CELF2: variants seen among roughly 807,000 people sequenced by gnomAD.
The protein encoded by CELF2 is CUGBP Elav-like family member 2.
Under a neutral mutation model 62.6 loss-of-function variants are expected in CELF2, and 8 were observed. The observed-to-expected ratio is 0.13, with a 90% CI of 0.07 to 0.23. The LOEUF is 0.23. CELF2 is among the 10% of genes least tolerant of loss of function. The pLI is 1.00. For synonymous variants in CELF2, 258 were observed against 250.0 expected, an observed-to-expected ratio of 1.03 and a Z score of -0.30; for missense variants, 333 against 671.0, an observed-to-expected ratio of 0.50 and a Z score of 5.56.
the CELF2 span, among the ~76,000 whole-genome samples, chr10:10,638,243 G>T: frequency 1.3e-5 from 2 of 152,126 alleles, no homozygotes; most frequent in African/African-American, 4.8e-5. Context: ...GGTCCTTTTG[G>T]TTTCTGTATC....
At chr10:11,272,050 C>A (rs1030231149) in intron 7 of CELF2, among the ~76,000 whole-genome samples, 1 of 152,188 alleles carries the variant, frequency 6.6e-6, no homozygotes. Flanking sequence ...TCACCTTCAT[C>A]TTTTTAGCTG....
the CELF2 span, among the ~76,000 whole-genome samples, chr10:10,774,116 T>C: frequency 3.9e-4 from 59 of 152,308 alleles, no homozygotes; most frequent in Admixed American, 1.5e-3. Context: ...CCTTAAGAGA[T>C]TTCCATAAAG....
rs947775078 is a variant in CELF2, at chr10:11,315,510, A to C, written c.1096+1252A>C. ...GAAAATGAACCTAAAATTTATCCAA[A>C]TAAAAATTAACTTGTATAATCCTGA... On this transcript the variant is annotated intron_variant, in intron 10 of 12. Transcript: ENST00000633077. The surrounding 1 kb of genome is among the most constrained non-coding windows in gnomAD (Gnocchi z 5.8). Among the ~76,000 whole-genome samples the C allele has an allele frequency of 2.0e-5, 3 of 152,220 alleles. No homozygotes were observed. Among genetic ancestry groups the C allele is most frequent in the Non-Finnish European group, 4.4e-5 (3 of 68,042 alleles).
rs558218640 is a variant in CELF2, at chr10:10,932,520, G to A, written c.89+12521G>A. On this transcript the variant is annotated intron_variant, in intron 2 of 13. Transcript: ENST00000636488. ...ATCACAATGTACCCTATAAATATGG[G>A]AAAGTTTTACCTTGTCAATTAAAAA... Among the ~76,000 whole-genome samples, 9 of 152,190 alleles carry A rather than the reference G, an allele frequency of 5.9e-5. 1 individual carries two copies. Among genetic ancestry groups the A allele is most frequent in the African/African-American group, 2.2e-4 (9 of 41,536 alleles).
intron 1 of CELF2, among the ~76,000 whole-genome samples, chr10:11,045,322 A>G (rs965857715): frequency 6.6e-6 from 1 of 152,156 alleles, no homozygotes; most frequent in Admixed American, 6.5e-5. Context: ...ATGCTGGTCT[A>G]GAACTCCCGG....
intron 1 of CELF2, among the ~76,000 whole-genome samples, chr10:11,080,053 G>C (rs955050892): frequency 3.9e-5 from 6 of 152,212 alleles, no homozygotes. Flanking sequence ...ATTTATGAGA[G>C]TCATTAAGGT....
At chr10:10,765,502 G>C in the CELF2 span, among the ~76,000 whole-genome samples, 3 of 152,302 alleles carry the variant, frequency 2.0e-5, no homozygotes, top group East Asian at 5.8e-4. Context: ...CCCTTGCGTT[G>C]TATTGACTCC....
intron 1 of CELF2, among the ~76,000 whole-genome samples, chr10:10,904,604 C>T (rs2063187991): frequency 6.6e-6 from 1 of 152,130 alleles, no homozygotes; most frequent in Non-Finnish European, 1.5e-5. Flanking sequence ...ACATCCATAG[C>T]ACAGTTTACA....
intron 1 of CELF2, among the ~76,000 whole-genome samples, chr10:10,916,384 A>T (rs1214231472): frequency 6.6e-6 from 1 of 152,232 alleles, no homozygotes; most frequent in African/African-American, 2.4e-5. Flanking sequence ...CATGGACATC[A>T]AGTAATATCT....
the CELF2 span, among the ~76,000 whole-genome samples, chr10:10,477,569 G>C: frequency 6.6e-6 from 1 of 152,052 alleles, no homozygotes; most frequent in Non-Finnish European, 1.5e-5. Flanking sequence ...CCCTGTCTTA[G>C]CTTTTTGACT....
chr10:10,529,608 C>T, the CELF2 span, among the ~76,000 whole-genome samples: 75,393 of 147,290 alleles, frequency 0.51, 19,570 homozygotes, highest in South Asian at 0.67. Context: ...TACTTGAACT[C>T]GGAAGGCGGA....
intron 1 of CELF2, among the ~76,000 whole-genome samples, chr10:11,022,852 A>AT (rs1244419717): frequency 4.6e-5 from 7 of 152,164 alleles, no homozygotes; most frequent in Non-Finnish European, 7.4e-5. Flanking sequence ...TCATTGTTGA[A>AT]TTTTTTGTAA....
At chr10:11,130,035 C>T (rs1323240930) in intron 1 of CELF2, among the ~76,000 whole-genome samples, 2 of 152,208 alleles carry the variant, frequency 1.3e-5, no homozygotes, top group African/African-American at 2.4e-5. Flanking sequence ...CCTCTACACA[C>T]TGCTTTAAAT....
At chr10:10,632,287 T>C in the CELF2 span, among the ~76,000 whole-genome samples, 1 of 151,930 alleles carries the variant, frequency 6.6e-6, no homozygotes, top group South Asian at 2.1e-4. Flanking sequence ...GTGGCATGGG[T>C]TTTAAATCCA....
chr10:10,915,170 T>C (rs1350949302), intron 1 of CELF2, among the ~76,000 whole-genome samples: 1 of 152,100 alleles, frequency 6.6e-6, no homozygotes, highest in Non-Finnish European at 1.5e-5. Context: ...TGTTCTGCTT[T>C]TCACTTGAAA....
intron 1 of CELF2, among the ~76,000 whole-genome samples, chr10:10,876,722 A>G (rs1031263352): frequency 4.6e-5 from 7 of 152,176 alleles, no homozygotes; most frequent in African/African-American, 1.7e-4. Context: ...TTACGGGATC[A>G]TGTCTCTTAT....
chr10:11,071,382 A>C (rs1163261065), intron 1 of CELF2, among the ~76,000 whole-genome samples: 2 of 152,218 alleles, frequency 1.3e-5, no homozygotes, highest in Admixed American at 6.5e-5. Context: ...CAGATGATAA[A>C]AGTAAGGTTC....
At chr10:10,686,143 G>T in the CELF2 span, among the ~76,000 whole-genome samples, 4 of 152,158 alleles carry the variant, frequency 2.6e-5, no homozygotes, top group African/African-American at 9.7e-5. Flanking sequence ...TTGGCAAATA[G>T]ATCCTTTCAA....
intron 2 of CELF2, among the ~76,000 whole-genome samples, chr10:11,172,551 A>G (rs2069273918): frequency 6.6e-6 from 1 of 152,148 alleles, no homozygotes; most frequent in African/African-American, 2.4e-5. Flanking sequence ...AATGCCCCAT[A>G]CTCTGGTGAT....
Sources: gnomAD v4.1 joint callset for allele counts (sites outside exome capture counted in the v4.1 genomes callset) on GRCh38, gnomAD v4.1.1 for gene constraint, Gnocchi (gnomAD v3.1) non-coding constraint, MANE v1.5 for transcripts, NCBI Gene and HGNC (gene_info 2026-07-23, HGNC 2026-07-21) for gene names.